CCDC40: variants seen among roughly 807,000 people sequenced by gnomAD.
The protein encoded by CCDC40 is coiled-coil domain 40 molecular ruler complex subunit, also known as coiled-coil domain-containing protein 40.
Under a neutral mutation model 124.5 loss-of-function variants are expected in CCDC40, and 104 were observed. The observed-to-expected ratio is 0.84, with a 90% confidence interval of 0.71 to 0.98. CCDC40 has a LOEUF of 0.98. Among genes scored for constraint, CCDC40 ranks in the 50% least tolerant of loss-of-function variants. The probability of loss-of-function intolerance (pLI) is 0.00; values close to 1 mark genes in which losing one functional copy is unlikely to be tolerated. For synonymous variants in CCDC40, 580 were observed against 602.9 expected, an observed-to-expected ratio of 0.96 and a Z score of 0.56; for missense variants, 1,463 against 1,503.9, an observed-to-expected ratio of 0.97 and a Z score of 0.45.
At chr17:80,044,666 G>C (rs897100673) in intron 3 of CCDC40, among the ~76,000 whole-genome samples, 6 of 145,590 alleles carry the variant, frequency 4.1e-5, no homozygotes, top group African/African-American at 1.1e-4. Flanking sequence ...CTGGGAGACA[G>C]AGCGAGACCC....
chr17:80,085,040 G>A (rs771686814), intron 13 of CCDC40, 52 bp downstream of exon 13: 1 of 1,603,200 alleles, frequency 6.2e-7, no homozygotes, highest in Non-Finnish European at 8.5e-7. Flanking sequence ...GGTGCCTGGT[G>A]GGGCAGAGCC....
At chr17:80,064,387 C>T (rs1270747094) in intron 9 of CCDC40, among the ~76,000 whole-genome samples, 1 of 148,590 alleles carries the variant, frequency 6.7e-6, no homozygotes, top group Non-Finnish European at 1.5e-5. Flanking sequence ...AGTCACAGTG[C>T]TTGCATTGGG....
intron 18 of CCDC40, among the ~76,000 whole-genome samples, chr17:80,096,837 A>C (rs1311642571): frequency 2.0e-5 from 3 of 152,136 alleles, no homozygotes; most frequent in African/African-American, 7.2e-5. Flanking sequence ...CGAACACCAC[A>C]CAGATGGCCC....
intron 10 of CCDC40, chr17:80,067,892 G>A: frequency 7.3e-7 from 1 of 1,363,902 alleles, no homozygotes; most frequent in South Asian, 1.8e-5. Context: ...TATAAAACGT[G>A]CATGCGCAGA....
intron 7 of CCDC40, among the ~76,000 whole-genome samples, chr17:80,053,217 A>G (rs1387424335): frequency 6.6e-6 from 1 of 152,216 alleles, no homozygotes; most frequent in African/African-American, 2.4e-5. Flanking sequence ...TGAAAGAGAA[A>G]ATAAACCTCC....
In CCDC40 at chr17:80,086,635, C is replaced by A; in HGVS notation, c.2449+419C>A. The stretch of plus-strand genomic sequence containing the variant: ...AACCATTCCACCGGGGCTCCCCAAC[C>A]CTTCTGAGGCCCAAGGGGCTGCCAA... On this transcript the variant is annotated intron_variant, in intron 14 of 19. Transcript: ENST00000397545. The surrounding 1 kb of genome is among the most constrained non-coding windows in gnomAD (Gnocchi z 5.5). 3.8e-6 allele frequency: 1 copy of A among 264,904 alleles called. No homozygotes were observed. 16.4% of individuals were successfully genotyped at this position (264,904 alleles called of 1,614,324 possible).
chr17:80,087,910 G>C lies in CCDC40; in HGVS notation c.2620-101G>C, dbSNP rs2038622158. ...TGCTTGTAGGGGTATTAGAAATCCAGCCTGCAGCCCTGCCCTCGGTGCCGG... is the reference window on the plus strand; with the variant it reads ...TGCTTGTAGGGGTATTAGAAATCCACCCTGCAGCCCTGCCCTCGGTGCCGG... On this transcript the variant is annotated intron_variant, in intron 15 of 19. Coordinates refer to ENST00000397545, the MANE Select transcript of CCDC40 (RefSeq NM_017950.4). This position sits in a 1 kb window ranked among gnomAD's most constrained non-coding sequence, Gnocchi z 4.5. The C allele has an allele frequency of 4.6e-6, 6 of 1,291,314 alleles. No homozygotes were observed. The highest frequency in any genetic ancestry group is 6.8e-6 in the Non-Finnish European group (6 of 887,588). The allele number at this position is 1,291,314 out of a possible 1,614,324, so 80.0% of individuals were successfully genotyped here.
In CCDC40 at chr17:80,047,312, C is replaced by T; in HGVS notation, c.586C>T (p.Leu196Phe). The change falls in exon 4 of 20, where the codon CTC (leucine) becomes TTC (phenylalanine). Residue 196 changes from leucine (L) to phenylalanine (F), a missense_variant. Coordinates refer to ENST00000397545, the MANE Select transcript of CCDC40 (RefSeq NM_017950.4). ...CACAGAGGAGCCCCAGGGGCAGGTGCTCCCAATGGGCGTCCAGCACCGCTT... is the reference window on the plus strand; with the variant it reads ...CACAGAGGAGCCCCAGGGGCAGGTGTTCCCAATGGGCGTCCAGCACCGCTT... ...GSTEEPQGQV[L>F]PMGVQHRFRL... The T allele has an allele frequency of 6.2e-7, 1 of 1,613,914 alleles. No homozygotes were observed. The highest frequency in any genetic ancestry group is 8.5e-7 in the Non-Finnish European group (1 of 1,179,878).
At chr17:80,091,178 C>A (rs1415634530) in intron 17 of CCDC40, among the ~76,000 whole-genome samples, 1 of 152,120 alleles carries the variant, frequency 6.6e-6, no homozygotes, top group African/African-American at 2.4e-5. Flanking sequence ...GGATATTTCA[C>A]AATTTATTGA....
Position 80,036,650 on chromosome 17 carries a change from C to G in CCDC40, c.-13C>G. 1 of 1,461,286 alleles carries G rather than the reference C, an allele frequency of 6.8e-7. No homozygotes were observed. Among genetic ancestry groups the G allele is most frequent in the South Asian group, 1.3e-5 (1 of 74,264 alleles). The allele number at this position is 1,461,286 out of a possible 1,614,324, so 90.5% of individuals were successfully genotyped here. A position where few individuals can be genotyped will look rare whatever the true frequency, so the allele number is the denominator to read the frequency against. On this transcript the variant is annotated 5_prime_UTR_variant, in exon 1 of 20. Transcript: ENST00000397545. ...CCCGGCCGGATGTTGACAGCGTCGC[C>G]TAGCAACGGGAAATGGCGGAACCGG...
At chr17:80,047,448 C>A (rs1204227316) in intron 4 of CCDC40, 46 bp downstream of exon 4, 2 of 1,589,900 alleles carry the variant, frequency 1.3e-6, no homozygotes, top group South Asian at 1.1e-5. Flanking sequence ...GATGAGCCAC[C>A]TGCACAGGCC....
Position 80,084,794 on chromosome 17 carries a change from A to G in CCDC40, c.2041A>G (p.Ile681Val), listed in dbSNP as rs1188147980. Residue 681 changes from isoleucine to valine, a missense_variant, in exon 13 of 20, where the codon ATC (isoleucine) becomes GTC (valine). Physicochemically the swap from Ile to Val is conservative, Grantham distance 29 (BLOSUM62 3). Coordinates refer to ENST00000397545, the MANE Select transcript of CCDC40 (RefSeq NM_017950.4). ...NGDIAQTTLD[I>V]THTSSRLDAH... ...TGACATTGCCCAGACCACCCTGGAC[A>G]TCACACACACCAGCAGCAGGCTGGA... is the stretch of plus-strand genomic sequence containing the variant. 2 of 1,614,210 alleles carry G rather than the reference A, an allele frequency of 1.2e-6. No homozygotes were observed. Among genetic ancestry groups the G allele is most frequent in the East Asian group, 2.2e-5 (1 of 44,880 alleles).
chr17:80,047,378 G>A lies in CCDC40; in HGVS notation c.652G>A (p.Glu218Lys), dbSNP rs1267013915. ...HGSDIESSDL[E>K]EFVSQEPVIP... The stretch of plus-strand genomic sequence containing the variant: ...GAGCGACATCGAGTCCTCAGACCTG[G>A]AGGAGTTCGTCTCGCAGGAGCCAGG... Residue 218 changes from glutamate to lysine, a missense_variant, in exon 4 of 20, where the codon GAG (glutamate) becomes AAG (lysine). Physicochemically the swap from Glu to Lys is moderately conservative, Grantham distance 56. Transcript: ENST00000397545. 2 of 1,613,210 alleles carry A rather than the reference G, an allele frequency of 1.2e-6. No individual in the cohort carries two copies. Among genetic ancestry groups the A allele is most frequent in the African/African-American group, 1.3e-5 (1 of 74,900 alleles).
chr17:80,090,929 A>G (rs2143766601), intron 17 of CCDC40: 1 of 582,650 alleles, frequency 1.7e-6, no homozygotes. Flanking sequence ...CAGAAGCCAC[A>G]TGTATTTGCT....
At chr17:80,076,945 A>G (rs943176104) in intron 10 of CCDC40, among the ~76,000 whole-genome samples, 1 of 152,058 alleles carries the variant, frequency 6.6e-6, no homozygotes, top group African/African-American at 2.4e-5. Context: ...CATGTTGGCC[A>G]GGCTGGTCTC....
rs776496632 is a variant in CCDC40, at chr17:80,058,449, T to C, written c.1160-45T>C. The stretch of plus-strand genomic sequence containing the variant: ...CTGCATGGGGGACGCTGGGACAGCC[T>C]CCCCACTCACTCTCTCTCTCTTTCT... On this transcript the variant is annotated intron_variant, in intron 7 of 19. Coordinates refer to ENST00000397545, the MANE Select transcript of CCDC40 (RefSeq NM_017950.4). The surrounding 1 kb of genome is among the most constrained non-coding windows in gnomAD (Gnocchi z 4.2). 8 of 1,595,054 alleles carry C rather than the reference T, an allele frequency of 5.0e-6. No homozygotes were observed. The highest frequency in any genetic ancestry group is 6.0e-6 in the Non-Finnish European group (7 of 1,166,052).
chr17:80,059,122 C>T, intron 9 of CCDC40, 142 bp downstream of exon 9: 3 of 1,074,778 alleles, frequency 2.8e-6, no homozygotes, highest in Non-Finnish European at 4.2e-6. Flanking sequence ...ACATCGGGCC[C>T]TCCCCATGGT....
intron 17 of CCDC40, among the ~76,000 whole-genome samples, chr17:80,091,855 CA>C (rs2143768954): frequency 6.6e-6 from 1 of 152,010 alleles, no homozygotes; most frequent in East Asian, 1.9e-4. Flanking sequence ...AACAGCCTGA[CA>C]GATTACTTGT....
intron 5 of CCDC40, 62 bp downstream of exon 5, chr17:80,048,823 T>G: frequency 1.4e-6 from 2 of 1,422,530 alleles, no homozygotes; most frequent in South Asian, 2.4e-5. Context: ...TCAGGCCCCT[T>G]TCTCTGCCTG....
Sources: allele counts gnomAD v4.1 joint callset (sites outside exome capture counted in the v4.1 genomes callset), GRCh38; gene constraint gnomAD v4.1.1; non-coding constraint Gnocchi (gnomAD v3.1); transcripts MANE v1.5; gene names NCBI Gene and HGNC (gene_info 2026-07-23, HGNC 2026-07-21).